The following CRKL variants were observed in gnomAD, a reference collection of about 807,000 sequenced individuals.
The protein encoded by CRKL is CRK like proto-oncogene, adaptor protein.
CRKL carries 3 observed loss-of-function variants against 23.0 expected under a neutral mutation model. The observed-to-expected ratio is 0.13, with a 90% CI of 0.06 to 0.34. The LOEUF is 0.34. Ranked by LOEUF, CRKL falls within the 10% of genes least tolerant of loss-of-function variation. CRKL has a pLI of 1.00. For synonymous variants in CRKL, 188 were observed against 160.7 expected, an observed-to-expected ratio of 1.17 and a Z score of -1.28; for missense variants, 256 against 394.5, an observed-to-expected ratio of 0.65 and a Z score of 2.97.
chr22:20,921,261 A>G (rs1920989788), intron 1 of CRKL, among the ~76,000 whole-genome samples: 2 of 152,258 alleles, frequency 1.3e-5, no homozygotes, highest in South Asian at 4.1e-4. Context: ...AAAATTTGTA[A>G]CAATAATGTC....
intron 1 of CRKL, among the ~76,000 whole-genome samples, chr22:20,932,204 G>GCTCAAGTAATGCTCCTGCCTCAGC (rs1206259542): frequency 7.2e-5 from 11 of 151,990 alleles, no homozygotes; most frequent in African/African-American, 2.2e-4. Flanking sequence ...TAACTCCTGG[G>GCTCAAGTAATGCTCCTGCCTCAGC]CTCAAGTAAT....
At chr22:20,944,692 C>T (rs949802227) in intron 2 of CRKL, among the ~76,000 whole-genome samples, 9 of 152,020 alleles carry the variant, frequency 5.9e-5, no homozygotes, top group African/African-American at 1.7e-4. Context: ...CATGAGCCAC[C>T]GCACAGCCTA....
intron 1 of CRKL, among the ~76,000 whole-genome samples, chr22:20,924,608 A>C (rs922938016): frequency 6.6e-6 from 1 of 152,196 alleles, no homozygotes; most frequent in African/African-American, 2.4e-5. Context: ...TAATCCCAGC[A>C]CTTTGGGAGG....
intron 1 of CRKL, among the ~76,000 whole-genome samples, chr22:20,919,726 A>G (rs1227055427): frequency 6.6e-6 from 1 of 152,132 alleles, no homozygotes; most frequent in Non-Finnish European, 1.5e-5. Context: ...CAGTTTTTCC[A>G]GGGTTAGATG....
intron 1 of CRKL, among the ~76,000 whole-genome samples, chr22:20,918,825 C>G (rs1929786290): frequency 6.6e-6 from 1 of 152,100 alleles, no homozygotes; most frequent in African/African-American, 2.4e-5. Flanking sequence ...CTCTTGCCCT[C>G]GTGATCCGCC....
In CRKL at chr22:20,941,588, A is replaced by ATATATATATTT. The variant is rs1247116681; in HGVS notation, c.777+7345_777+7346insATATATATTTT. Among the ~76,000 whole-genome samples, 15 of 33,536 alleles carry ATATATATATTT rather than the reference A, an allele frequency of 4.5e-4. 1 individual carries two copies. The highest frequency in any genetic ancestry group is 1.8e-3 in the African/African-American group (15 of 8,258). The allele number at this position is 33,536 out of a possible 152,430, so 22.0% of individuals were successfully genotyped here. On this transcript the variant is annotated intron_variant, in intron 2 of 2. Coordinates refer to ENST00000354336, the MANE Select transcript of CRKL (RefSeq NM_005207.4). Reference sequence around the variant, plus strand: ...TGTGTGTGTGTGTGTGTATATATATATTTTTTTTTTTTTTTTTTTTTTTTG... The same window carrying ATATATATATTT: ...TGTGTGTGTGTGTGTGTATATATATATATATATATTTTTTTTTTTTTTTTTTTTTTTTTTTG...
intron 2 of CRKL, among the ~76,000 whole-genome samples, chr22:20,939,808 G>A (rs896150318): frequency 7.6e-6 from 1 of 131,090 alleles, no homozygotes; most frequent in Non-Finnish European, 1.6e-5. Flanking sequence ...TTTTTTTTGA[G>A]TTGAAGTCTC....
chr22:20,927,111 C>CAAAAAAAAAAAAA lies in CRKL; in HGVS notation c.312-6655_312-6643dup, dbSNP rs371278201. Among the ~76,000 whole-genome samples, 204 of 48,512 alleles carry CAAAAAAAAAAAAA rather than the reference C, an allele frequency of 4.2e-3. 3 individuals carry two copies. The highest frequency in any genetic ancestry group is 0.023 in the Middle Eastern group (1 of 44). 31.8% of individuals were successfully genotyped at this position (48,512 alleles called of 152,430 possible). ...TGGGTGACAGAGCAAGACTCCGTCT[C>CAAAAAAAAAAAAA]AAAAAAAAAAAAAAAAAAAAAAAAA... On this transcript the variant is annotated intron_variant, in intron 1 of 2. Coordinates refer to ENST00000354336, the MANE Select transcript of CRKL (RefSeq NM_005207.4).
intron 2 of CRKL, among the ~76,000 whole-genome samples, chr22:20,940,350 A>C (rs1921826248): frequency 6.6e-6 from 1 of 152,144 alleles, no homozygotes; most frequent in Non-Finnish European, 1.5e-5. Context: ...AATCGCATCC[A>C]GAATTTTGTC....
At chr22:20,939,820 C>T (rs1266620465) in intron 2 of CRKL, among the ~76,000 whole-genome samples, 2 of 145,002 alleles carry the variant, frequency 1.4e-5, no homozygotes. Context: ...TGAAGTCTCG[C>T]TCTTGTCGCC....
chr22:20,919,725 C>T (rs1920970281), intron 1 of CRKL, among the ~76,000 whole-genome samples: 1 of 151,754 alleles, frequency 6.6e-6, no homozygotes, highest in African/African-American at 2.4e-5. Context: ...ACAGTTTTTC[C>T]AGGGTTAGAT....
At chr22:20,945,987 G>A (rs1036563102) in intron 2 of CRKL, among the ~76,000 whole-genome samples, 1 of 152,188 alleles carries the variant, frequency 6.6e-6, no homozygotes, top group African/African-American at 2.4e-5. Flanking sequence ...AGTGAAAGTT[G>A]TGCAGTCTTC....
In CRKL at chr22:20,935,606, A is replaced by G. The variant is rs1434974756; in HGVS notation, c.777+1362A>G. ...CAGTGGCGTGATCTTGGCTCACTGC[A>G]TCCTCCGCCTCCTGAGTTCAAGTGA... is the stretch of plus-strand genomic sequence containing the variant. On this transcript the variant is annotated intron_variant, in intron 2 of 2. Transcript: ENST00000354336. 2.7e-5 allele frequency among the ~76,000 whole-genome samples: 4 copies of G among 148,288 alleles called. No individual in the cohort carries two copies. The Admixed American group carries it at 2.7e-4, about 10-fold the overall frequency.
chr22:20,948,905 C>A (rs1922167394), intron 2 of CRKL, among the ~76,000 whole-genome samples: 1 of 152,194 alleles, frequency 6.6e-6, no homozygotes, highest in African/African-American at 2.4e-5. Flanking sequence ...CAATACAGAA[C>A]CTTAGATTAG....
intron 1 of CRKL, among the ~76,000 whole-genome samples, chr22:20,928,247 A>G (rs1025142614): frequency 6.6e-6 from 1 of 151,666 alleles, no homozygotes; most frequent in Non-Finnish European, 1.5e-5. Flanking sequence ...GCTTGAGCCC[A>G]GGAGTTCAAG....
At chr22:20,924,059 C>G (rs749609943) in intron 1 of CRKL, among the ~76,000 whole-genome samples, 6 of 151,998 alleles carry the variant, frequency 3.9e-5, no homozygotes, top group African/African-American at 1.4e-4. Context: ...TGGTGTCATG[C>G]GCCTTTAAGT....
chr22:20,923,808 C>G (rs1184197098), intron 1 of CRKL, among the ~76,000 whole-genome samples: 1 of 150,244 alleles, frequency 6.7e-6, no homozygotes, highest in Non-Finnish European at 1.5e-5. Context: ...TGTCTCTTGA[C>G]CTCAGGGGAT....
chr22:20,924,292 A>T (rs575856789), intron 1 of CRKL, among the ~76,000 whole-genome samples: 2 of 152,334 alleles, frequency 1.3e-5, no homozygotes, highest in Non-Finnish European at 2.9e-5. Flanking sequence ...TGCTTAGTCT[A>T]ACCTGAGAGC....
Position 20,951,274 on chromosome 22 carries a change from CTG to C in CRKL, c.*1432_*1433del. On this transcript the variant is annotated 3_prime_UTR_variant, in exon 3 of 3. Coordinates refer to ENST00000354336, the MANE Select transcript of CRKL (RefSeq NM_005207.4). ...CTGGTCTCACAGTCTAAGTAAGTGT[CTG>C]TGATGCTCCCAAGCAAAGGAAATGC... 1 of 232,556 alleles carries C rather than the reference CTG, an allele frequency of 4.3e-6. No homozygotes were observed. The highest frequency in any genetic ancestry group is 8.5e-6 in the Non-Finnish European group (1 of 117,612). 14.4% of individuals were successfully genotyped at this position (232,556 alleles called of 1,614,324 possible).
Sources: allele counts gnomAD v4.1 joint callset (sites outside exome capture counted in the v4.1 genomes callset), GRCh38; gene constraint gnomAD v4.1.1; transcripts MANE v1.5; gene names NCBI Gene and HGNC (gene_info 2026-07-23, HGNC 2026-07-21).